SLC30A10: variants seen among roughly 807,000 people sequenced by gnomAD.
SLC30A10 encodes calcium/manganese antiporter SLC30A10.
SLC30A10 carries 8 observed loss-of-function variants against 21.7 expected under a neutral mutation model. The ratio of observed to expected loss-of-function variants is 0.37; its 90% CI spans 0.22 to 0.67. The LOEUF (loss-of-function observed/expected upper bound fraction) is 0.67. Ranked by LOEUF, SLC30A10 falls within the 30% of genes least tolerant of loss-of-function variation. SLC30A10 has a pLI of 0.58. For missense variants in SLC30A10, 521 were observed against 642.5 expected, an observed-to-expected ratio of 0.81 and a Z score of 2.04; for synonymous variants, 272 against 279.4, an observed-to-expected ratio of 0.97 and a Z score of 0.26.
chr1:219,932,049 A>G (rs938545430), upstream of SLC30A10, among the ~76,000 whole-genome samples: 1 of 151,222 alleles, frequency 6.6e-6, no homozygotes, highest in Non-Finnish European at 1.5e-5. Context: ...TCCAGATTAT[A>G]CTAACTCAAT....
rs780134764 is a variant in SLC30A10, at chr1:219,928,462, C to T, written c.-22G>A. On this transcript the variant is annotated 5_prime_UTR_variant, in exon 1 of 4. Transcript: ENST00000366926. The surrounding 1 kb of genome is among the most constrained non-coding windows in gnomAD (Gnocchi z 6.3). ...CCATCTCGCCACCAGCCCCGGGCGCCCGGCGCCGCCCAGGGGAGCGCAGCC... is the reference window on the plus strand; with the variant it reads ...CCATCTCGCCACCAGCCCCGGGCGCTCGGCGCCGCCCAGGGGAGCGCAGCC... 3 of 1,575,552 alleles carry T rather than the reference C, an allele frequency of 1.9e-6. No individual in the cohort carries two copies. Among genetic ancestry groups the T allele is most frequent in the Non-Finnish European group, 2.6e-6 (3 of 1,162,792 alleles).
At chr1:219,925,651 A>ATTTTTTT (rs1210071228) in intron 2 of SLC30A10, among the ~76,000 whole-genome samples, 2 of 48,284 alleles carry the variant, frequency 4.1e-5, no homozygotes, top group African/African-American at 1.2e-4. Context: ...ATATATATAT[A>ATTTTTTT]TTTTTTTTTT....
intron 1 of SLC30A10, among the ~76,000 whole-genome samples, chr1:219,937,986 T>A (rs143238153): frequency 3.3e-5 from 5 of 152,352 alleles, no homozygotes; most frequent in Non-Finnish European, 4.4e-5. Flanking sequence ...CATTGTTTTA[T>A]CTGAAAATTT....
upstream of SLC30A10, chr1:219,928,587 A>T: frequency 3.2e-6 from 2 of 616,414 alleles, no homozygotes; most frequent in Non-Finnish European, 5.0e-6. This position sits in a 1 kb window ranked among gnomAD's most constrained non-coding sequence, Gnocchi z 6.3. Context: ...ACCGCTTTTT[A>T]TAACGCGAGG....
In SLC30A10 at chr1:219,956,102, T is replaced by C. The variant is rs142728064; in HGVS notation, n.80+2466A>G. ...GGTGATACATAACTGCAGACATAAA[T>C]GCTAACAAGCCAAACAGCTGTCCTA... On this transcript the variant is annotated intron_variant and non_coding_transcript_variant, in intron 1 of 8. Transcript: ENST00000484239. 3.9e-4 allele frequency among the ~76,000 whole-genome samples: 60 copies of C among 152,308 alleles called. No individual in the cohort carries two copies. The East Asian group carries it at 8.5e-3, about 22-fold the overall frequency.
Position 219,910,931 on chromosome 1 carries a change from G to C in SLC30A10, c.*4518C>G, listed in dbSNP as rs1370995786. Among the ~76,000 whole-genome samples, 4 of 152,104 alleles carry C rather than the reference G, an allele frequency of 2.6e-5. No individual in the cohort carries two copies. Among genetic ancestry groups the C allele is most frequent in the Admixed American group, 6.5e-5 (1 of 15,270 alleles). ...GGTAAGAACATGCAGATTACATTGAGGATTATCTTTCAATGCAATTTCCAC... is the reference window on the plus strand; with the variant it reads ...GGTAAGAACATGCAGATTACATTGACGATTATCTTTCAATGCAATTTCCAC... On this transcript the variant is annotated 3_prime_UTR_variant, in exon 4 of 4. Coordinates refer to ENST00000366926, the MANE Select transcript of SLC30A10 (RefSeq NM_018713.3).
intron 2 of SLC30A10, among the ~76,000 whole-genome samples, chr1:219,921,582 G>C (rs911571395): frequency 3.9e-5 from 6 of 152,050 alleles, no homozygotes; most frequent in Non-Finnish European, 8.8e-5. Context: ...CTAGCACAGA[G>C]ATACAAATTG....
chr1:219,913,794 T>G lies in SLC30A10; in HGVS notation c.*1655A>C, dbSNP rs1240991946. 3 of 152,174 alleles carry G rather than the reference T, an allele frequency of 2.0e-5. No individual in the cohort carries two copies. Among genetic ancestry groups the G allele is most frequent in the Non-Finnish European group, 4.4e-5 (3 of 68,020 alleles). The allele number at this position is 152,174 out of a possible 1,614,324, so 9.4% of individuals were successfully genotyped here. ...AATACATTTTCAAGGAATAAAGAAT[T>G]TCCTGGCCAGGTGCAGTGGCTCATG... On this transcript the variant is annotated 3_prime_UTR_variant, in exon 4 of 4. Coordinates refer to ENST00000366926, the MANE Select transcript of SLC30A10 (RefSeq NM_018713.3).
chr1:219,925,644 TATATA>T (rs1212234137), intron 2 of SLC30A10, among the ~76,000 whole-genome samples: 20 of 77,364 alleles, frequency 2.6e-4, no homozygotes, highest in African/African-American at 9.2e-4. Context: ...TATATATATA[TATATA>T]TATTTTTTTT....
chr1:219,954,668 G>A (rs1255415933), intron 1 of SLC30A10, among the ~76,000 whole-genome samples: 3 of 117,708 alleles, frequency 2.5e-5, no homozygotes, highest in East Asian at 2.6e-4. Context: ...GCAACAGAGT[G>A]AGACTCCATC....
chr1:219,955,271 T>C (rs1660330932), intron 1 of SLC30A10, among the ~76,000 whole-genome samples: 2 of 152,212 alleles, frequency 1.3e-5, no homozygotes, highest in Admixed American at 6.5e-5. Context: ...TTGTTTGTCT[T>C]TTACTTAATG....
In SLC30A10 at chr1:219,927,942, A is replaced by C; in HGVS notation, c.499T>G (p.Phe167Val). 6.5e-7 allele frequency: 1 copy of C among 1,538,338 alleles called. No homozygotes were observed. The highest frequency in any genetic ancestry group is 1.7e-4 in the Middle Eastern group (1 of 5,920). The change falls in exon 1 of 4, where the codon TTC (phenylalanine) becomes GTC (valine). Residue 167 changes from phenylalanine (F) to valine (V), a missense_variant. By Grantham distance (50) the Phe-to-Val change is conservative. Transcript: ENST00000366926. ...QLAEGCVPGA[F>V]GGPQGAEDPR... ...TCCTCCGCGCCCTGAGGCCCCCCGA[A>C]AGCGCCGGGGACACAGCCCTCCGCC...
chr1:219,925,362 C>T (rs1367061400), intron 2 of SLC30A10, among the ~76,000 whole-genome samples: 1 of 151,684 alleles, frequency 6.6e-6, no homozygotes, highest in Non-Finnish European at 1.5e-5. Context: ...GGTGAAACCC[C>T]GTTTCTGCTA....
At chr1:219,932,499 C>G (rs1659982689), upstream of SLC30A10, among the ~76,000 whole-genome samples, 1 of 151,992 alleles carries the variant, frequency 6.6e-6, no homozygotes, top group African/African-American at 2.4e-5. Flanking sequence ...ATGACATTGC[C>G]TTTGGAGAAG....
chr1:219,932,204 T>G (rs1350227171), upstream of SLC30A10, among the ~76,000 whole-genome samples: 1 of 151,796 alleles, frequency 6.6e-6, no homozygotes, highest in Non-Finnish European at 1.5e-5. Context: ...GCTGGGATTA[T>G]AGGCACCTGC....
At chr1:219,956,273 T>A (rs1325891230) in intron 1 of SLC30A10, among the ~76,000 whole-genome samples, 1 of 152,118 alleles carries the variant, frequency 6.6e-6, no homozygotes, top group Non-Finnish European at 1.5e-5. Flanking sequence ...TGGGCTCAAG[T>A]GATCCTCCTG....
rs866958895 is a variant in SLC30A10, at chr1:219,914,026, G to A, written c.*1423C>T. ...ATTGTTTAAATATGATGTTTGTTCTGTGGATGCTGCCTTCATTATCAACCC... is the reference window on the plus strand; with the variant it reads ...ATTGTTTAAATATGATGTTTGTTCTATGGATGCTGCCTTCATTATCAACCC... On this transcript the variant is annotated 3_prime_UTR_variant, in exon 4 of 4. Coordinates refer to ENST00000366926, the MANE Select transcript of SLC30A10 (RefSeq NM_018713.3). 8.8e-6 allele frequency: 1 copy of A among 113,306 alleles called. No homozygotes were observed. The highest frequency in any genetic ancestry group is 1.9e-5 in the Non-Finnish European group (1 of 53,460). The allele number at this position is 113,306 out of a possible 1,614,324, so 7.0% of individuals were successfully genotyped here. A position where few individuals can be genotyped will look rare whatever the true frequency, so the allele number is the denominator to read the frequency against.
chr1:219,955,716 A>G (rs1460353531), intron 1 of SLC30A10, among the ~76,000 whole-genome samples: 2 of 152,192 alleles, frequency 1.3e-5, no homozygotes, highest in East Asian at 3.8e-4. Flanking sequence ...TTGTTAAGCA[A>G]AATCTCTAGT....
chr1:219,914,210 C>T lies in SLC30A10; in HGVS notation c.*1239G>A, dbSNP rs1001598039. On this transcript the variant is annotated 3_prime_UTR_variant, in exon 4 of 4. Transcript: ENST00000366926. ...CTGTGAGACTGTTCTGATTTAAATACTGATGTCTGAGCAATGTGTTAAAAA... is the reference window on the plus strand; with the variant it reads ...CTGTGAGACTGTTCTGATTTAAATATTGATGTCTGAGCAATGTGTTAAAAA... 1.3e-5 allele frequency: 2 copies of T among 152,166 alleles called. No homozygotes were observed. Among genetic ancestry groups the T allele is most frequent in the Non-Finnish European group, 1.5e-5 (1 of 68,032 alleles). The allele number at this position is 152,166 out of a possible 1,614,324, so 9.4% of individuals were successfully genotyped here.
Sources: gnomAD v4.1 joint callset for allele counts (sites outside exome capture counted in the v4.1 genomes callset) on GRCh38, gnomAD v4.1.1 for gene constraint, Gnocchi (gnomAD v3.1) non-coding constraint, MANE v1.5 for transcripts, NCBI Gene and HGNC (gene_info 2026-07-23, HGNC 2026-07-21) for gene names.